The following DUSP10 variants were observed in gnomAD, a reference collection of about 807,000 sequenced individuals.
DUSP10 encodes the protein dual specificity phosphatase 10.
In DUSP10, 14 loss-of-function variants were observed where a neutral mutation model predicts 30.8. That is an observed-to-expected ratio of 0.46 (90% CI 0.30 to 0.71). The LOEUF (loss-of-function observed/expected upper bound fraction) is 0.71, where lower values mean the gene tolerates loss of function less well. Among genes scored for constraint, DUSP10 ranks in the 30% least tolerant of loss-of-function variants. DUSP10 has a pLI of 0.08. For missense variants in DUSP10, 550 were observed against 619.4 expected (o/e 0.89, Z 1.19); for synonymous variants, 254 against 250.4 (o/e 1.01, Z -0.14).
chr1:221,710,254 A>T (rs553028938), intron 2 of DUSP10, among the ~76,000 whole-genome samples: 1 of 151,972 alleles, frequency 6.6e-6, no homozygotes, highest in Non-Finnish European at 1.5e-5. Flanking sequence ...TGAGAGCCCT[A>T]AGTGCAGTGC....
intron 2 of DUSP10, among the ~76,000 whole-genome samples, chr1:221,712,777 C>CAATA (rs1660977902): frequency 1.8e-5 from 1 of 56,950 alleles, no homozygotes; most frequent in Non-Finnish European, 3.1e-5. Context: ...TATAAAGCAG[C>CAATA]AAAAAAAAAA....
chr1:221,739,089 C>T lies in DUSP10; in HGVS notation c.656G>A (p.Arg219Lys), dbSNP rs763185891. The change falls in exon 2 of 4, where the codon AGG (arginine) becomes AAG (lysine). Residue 219 changes from arginine (R) to lysine (K), a missense_variant. By Grantham distance (26) the Arg-to-Lys change is conservative. Coordinates refer to ENST00000366899, the MANE Select transcript of DUSP10 (RefSeq NM_007207.6). ...CCTCTTGAAAGAGTCCTTGCCTTCC[C>T]TACAGGAAATCAAGTCTAGGACAGT... ...KITVLDLISC[R>K]EGKDSFKRIF... The T allele has an allele frequency of 1.2e-6, 2 of 1,614,206 alleles. No homozygotes were observed. Among genetic ancestry groups the T allele is most frequent in the Non-Finnish European group, 1.7e-6 (2 of 1,180,040 alleles).
chr1:221,728,990 C>A (rs748555761), intron 2 of DUSP10, among the ~76,000 whole-genome samples: 4 of 152,172 alleles, frequency 2.6e-5, no homozygotes, highest in Non-Finnish European at 5.9e-5. Context: ...ACCCAGGATC[C>A]ACTAGGCACC....
chr1:221,716,678 A>G (rs972202986), intron 2 of DUSP10, among the ~76,000 whole-genome samples: 3 of 152,240 alleles, frequency 2.0e-5, no homozygotes, highest in African/African-American at 7.2e-5. Flanking sequence ...GTGCCTACCA[A>G]GATCCAGTCT....
chr1:221,740,374 T>G (rs1380815798), intron 1 of DUSP10, among the ~76,000 whole-genome samples: 1 of 152,234 alleles, frequency 6.6e-6, no homozygotes, highest in Non-Finnish European at 1.5e-5. Flanking sequence ...ATTCTTGCCT[T>G]CCATTCTCTA....
chr1:221,702,701 A>G lies in DUSP10; in HGVS notation c.1184-24T>C, dbSNP rs747420315. ...CTCTGAAAAAAGGGAGAAAGACAAG[A>G]GATGAAGGGAAGATGGAAGAGAGAG... On this transcript the variant is annotated intron_variant, in intron 3 of 3. Coordinates refer to ENST00000366899, the MANE Select transcript of DUSP10 (RefSeq NM_007207.6). The surrounding 1 kb of genome is among the most constrained non-coding windows in gnomAD (Gnocchi z 4.5). 6.2e-7 allele frequency: 1 copy of G among 1,610,654 alleles called. No homozygotes were observed. The highest frequency in any genetic ancestry group is 2.2e-5 in the East Asian group (1 of 44,810).
At chr1:221,737,231 T>A (rs955859595) in intron 2 of DUSP10, 1 of 985,280 alleles carries the variant, frequency 1.0e-6, no homozygotes, top group Non-Finnish European at 1.2e-6. Context: ...CTTCAGATCA[T>A]GAAGACACAA....
intron 2 of DUSP10, among the ~76,000 whole-genome samples, chr1:221,731,600 C>CTT (rs917122714): frequency 1.3e-4 from 15 of 119,226 alleles, no homozygotes; most frequent in Non-Finnish European, 1.0e-4. Context: ...TAGGCTATTT[C>CTT]TTTTTTTTTT....
In DUSP10 at chr1:221,702,270, TAA is replaced by T. The variant is rs1660627476; in HGVS notation, c.*140_*141del. On this transcript the variant is annotated 3_prime_UTR_variant, in exon 4 of 4. Transcript: ENST00000366899. This position sits in a 1 kb window ranked among gnomAD's most constrained non-coding sequence, Gnocchi z 4.5. ...ATAGTCTTCTTACACTTGTTAAAAA[TAA>T]AGTGTTTAAACAAGTTTGTTTCCAT... The T allele has an allele frequency of 1.1e-6, 1 of 933,456 alleles. No individual in the cohort carries two copies. 57.8% of individuals were successfully genotyped at this position (933,456 alleles called of 1,614,324 possible).
intron 2 of DUSP10, among the ~76,000 whole-genome samples, chr1:221,707,341 C>T (rs1660797946): frequency 6.6e-6 from 1 of 152,126 alleles, no homozygotes; most frequent in Non-Finnish European, 1.5e-5. Context: ...ATTTATCAAC[C>T]CTGACTTTCA....
At chr1:221,732,309 CA>C (rs1168929759) in intron 2 of DUSP10, among the ~76,000 whole-genome samples, 2 of 152,208 alleles carry the variant, frequency 1.3e-5, no homozygotes, top group East Asian at 1.9e-4. Flanking sequence ...TAGCTGTTAA[CA>C]GCTGAAACCA....
intron 2 of DUSP10, among the ~76,000 whole-genome samples, chr1:221,727,771 T>C (rs1169274747): frequency 1.3e-5 from 2 of 152,196 alleles, no homozygotes; most frequent in African/African-American, 4.8e-5. Flanking sequence ...TAAAAAATGC[T>C]CAGATTTTTA....
chr1:221,739,869 T>C, intron 1 of DUSP10, 82 bp from the exon 2 acceptor site: 1 of 1,387,436 alleles, frequency 7.2e-7, no homozygotes. Flanking sequence ...GGGAAAGACC[T>C]TTGCATCCCT....
intron 2 of DUSP10, among the ~76,000 whole-genome samples, chr1:221,738,378 GC>G (rs1358093930): frequency 5.3e-5 from 8 of 152,164 alleles, no homozygotes; most frequent in Non-Finnish European, 1.0e-4. Context: ...TTTATATGGG[GC>G]CTTAGAATAA....
chr1:221,730,717 C>G (rs934503161), intron 2 of DUSP10, among the ~76,000 whole-genome samples: 3 of 152,128 alleles, frequency 2.0e-5, no homozygotes, highest in East Asian at 3.8e-4. Context: ...ATTTCCTTAT[C>G]CAAAAACATA....
At chr1:221,720,531 T>A (rs1661251561) in intron 2 of DUSP10, among the ~76,000 whole-genome samples, 1 of 152,190 alleles carries the variant, frequency 6.6e-6, no homozygotes, top group Non-Finnish European at 1.5e-5. Flanking sequence ...GTTGCAGAAA[T>A]ACTGATTTAT....
chr1:221,725,455 T>C (rs1333034267), intron 2 of DUSP10, among the ~76,000 whole-genome samples: 1 of 152,224 alleles, frequency 6.6e-6, no homozygotes. Context: ...TTCTATTCAC[T>C]GGAGCAGAAA....
chr1:221,713,845 A>G (rs898022970), intron 2 of DUSP10, among the ~76,000 whole-genome samples: 2 of 152,224 alleles, frequency 1.3e-5, no homozygotes, highest in Admixed American at 6.5e-5. Flanking sequence ...AATAGGAGCT[A>G]CAGGGAAAGA....
intron 3 of DUSP10, among the ~76,000 whole-genome samples, chr1:221,705,111 G>GTTTTT (rs34627895): frequency 7.0e-6 from 1 of 142,000 alleles, no homozygotes; most frequent in Non-Finnish European, 1.5e-5. Flanking sequence ...TATTTTGAGT[G>GTTTTT]TTTTTTTTTT....
Sources: allele counts gnomAD v4.1 joint callset (sites outside exome capture counted in the v4.1 genomes callset), GRCh38; gene constraint gnomAD v4.1.1; non-coding constraint Gnocchi (gnomAD v3.1); transcripts MANE v1.5; gene names NCBI Gene and HGNC (gene_info 2026-07-23, HGNC 2026-07-21).